Variants in ABHD17B observed in about 807,000 individuals in gnomAD.
ABHD17B encodes abhydrolase domain containing 17B, depalmitoylase.
Under a neutral mutation model 26.2 loss-of-function variants are expected in ABHD17B, and 9 were observed. That is an observed-to-expected ratio of 0.34 (90% confidence interval 0.21 to 0.60). The LOEUF is 0.60. Ranked by LOEUF, ABHD17B falls within the 20% of genes least tolerant of loss-of-function variation. The probability of loss-of-function intolerance (pLI) is 0.80; values close to 1 mark genes in which losing one functional copy is unlikely to be tolerated. For missense variants in ABHD17B, 224 were observed against 352.1 expected (o/e 0.64, Z 2.91); for synonymous variants, 127 against 122.3 (o/e 1.04, Z -0.25).
At chr9:71,873,058 C>T (rs1234941388) in intron 2 of ABHD17B, among the ~76,000 whole-genome samples, 14 of 151,652 alleles carry the variant, frequency 9.2e-5, no homozygotes, top group Admixed American at 9.2e-4. Flanking sequence ...GGAAATTTTT[C>T]CTGACTAAAT....
intron 1 of ABHD17B, among the ~76,000 whole-genome samples, chr9:71,906,949 G>C (rs1386258451): frequency 1.3e-5 from 2 of 152,152 alleles, no homozygotes; most frequent in African/African-American, 2.4e-5. Flanking sequence ...GTAGTCTTGA[G>C]CTCGAGTATT....
intron 1 of ABHD17B, among the ~76,000 whole-genome samples, chr9:71,876,653 C>T (rs970606374): frequency 2.0e-4 from 31 of 151,456 alleles, no homozygotes; most frequent in African/African-American, 6.8e-4. Flanking sequence ...AAAAAAGTAC[C>T]CTATTACACC....
At chr9:71,892,186 G>A (rs1485230649) in intron 1 of ABHD17B, among the ~76,000 whole-genome samples, 2 of 152,084 alleles carry the variant, frequency 1.3e-5, no homozygotes, top group Non-Finnish European at 2.9e-5. Context: ...AAAGAATGAA[G>A]AAATTTATAA....
intron 1 of ABHD17B, among the ~76,000 whole-genome samples, chr9:71,886,769 G>A (rs1826623756): frequency 6.6e-6 from 1 of 151,972 alleles, no homozygotes; most frequent in African/African-American, 2.4e-5. Context: ...GAGATCAAAG[G>A]GCTCAAAATT....
Position 71,866,649 on chromosome 9 carries a change from C to T in ABHD17B, c.*138G>A, listed in dbSNP as rs1413875657. On this transcript the variant is annotated 3_prime_UTR_variant, in exon 4 of 4. Transcript: ENST00000333421. Reference sequence around the variant, plus strand: ...CTGGTAATTAAAACCTTCATTAAGTCTGTTAACAAATCATTACCTGTACAT... The same window carrying T: ...CTGGTAATTAAAACCTTCATTAAGTTTGTTAACAAATCATTACCTGTACAT... The T allele has an allele frequency of 1.7e-5, 25 of 1,452,160 alleles. No individual in the cohort carries two copies. The highest frequency in any genetic ancestry group is 2.3e-5 in the Non-Finnish European group (25 of 1,106,870). The allele number at this position is 1,452,160 out of a possible 1,614,324, so 90.0% of individuals were successfully genotyped here. A position where few individuals can be genotyped will look rare whatever the true frequency, so the allele number is the denominator to read the frequency against.
chr9:71,895,109 G>A (rs1206298314), intron 1 of ABHD17B, among the ~76,000 whole-genome samples: 3 of 152,168 alleles, frequency 2.0e-5, no homozygotes, highest in Admixed American at 6.5e-5. Context: ...AACTTTGCTA[G>A]GTTAGAAAAG....
intron 1 of ABHD17B, among the ~76,000 whole-genome samples, chr9:71,891,108 G>A (rs1826767819): frequency 6.6e-6 from 1 of 152,000 alleles, no homozygotes; most frequent in Non-Finnish European, 1.5e-5. Flanking sequence ...CAGCAAACTA[G>A]GTCTGCTTCA....
In ABHD17B at chr9:71,874,809, T is replaced by C; in HGVS notation, c.272A>G (p.Lys91Arg). 6.2e-7 allele frequency: 1 copy of C among 1,614,236 alleles called. No individual in the cohort carries two copies. Among genetic ancestry groups the C allele is most frequent in the South Asian group, 1.1e-5 (1 of 91,088 alleles). Reference protein sequence around the residue: ...CMFVRCSPNAKYTLLFSHGNA... With the variant: ...CMFVRCSPNARYTLLFSHGNA... ...TCCATGTGAGAAGAGTAAAGTGTAT[T>C]TCGCATTGGGTGAACAACGTACAAA... The change falls in exon 2 of 4, where the codon AAA (lysine) becomes AGA (arginine). Residue 91 changes from lysine (K) to arginine (R), a missense_variant. By Grantham distance (26) the Lys-to-Arg change is conservative. Coordinates refer to ENST00000333421, the MANE Select transcript of ABHD17B (RefSeq NM_001025780.3).
At chr9:71,892,628 A>C (rs1826821213) in intron 1 of ABHD17B, among the ~76,000 whole-genome samples, 1 of 151,304 alleles carries the variant, frequency 6.6e-6, no homozygotes, top group South Asian at 2.1e-4. Context: ...TTATAAACAT[A>C]AATTTACATT....
At chr9:71,905,888 A>C (rs1410211172) in intron 1 of ABHD17B, among the ~76,000 whole-genome samples, 1 of 152,002 alleles carries the variant, frequency 6.6e-6, no homozygotes, top group Non-Finnish European at 1.5e-5. Context: ...CTACAAAAAA[A>C]ATACAAAAAT....
At chr9:71,876,156 A>G (rs953086262) in intron 1 of ABHD17B, among the ~76,000 whole-genome samples, 2 of 152,268 alleles carry the variant, frequency 1.3e-5, no homozygotes, top group African/African-American at 4.8e-5. Context: ...TGTGGAAAAA[A>G]GGTAAAATCT....
chr9:71,897,307 G>A (rs1207629683), intron 1 of ABHD17B, among the ~76,000 whole-genome samples: 1 of 31,496 alleles, frequency 3.2e-5, no homozygotes, highest in African/African-American at 6.3e-5. Flanking sequence ...AAGGTGGAAG[G>A]ATCACTTGAG....
chr9:71,899,725 T>C (rs190289689), intron 1 of ABHD17B, among the ~76,000 whole-genome samples: 9 of 152,266 alleles, frequency 5.9e-5, no homozygotes, highest in Admixed American at 1.3e-4. Flanking sequence ...CTATGAGACA[T>C]AGAGCTTCTC....
intron 1 of ABHD17B, among the ~76,000 whole-genome samples, chr9:71,894,864 A>C (rs1167615768): frequency 6.6e-6 from 1 of 152,232 alleles, no homozygotes; most frequent in African/African-American, 2.4e-5. Context: ...ACAATTAATC[A>C]AATGAACCAT....
intron 1 of ABHD17B, among the ~76,000 whole-genome samples, chr9:71,899,267 G>C (rs1430855868): frequency 6.6e-6 from 1 of 152,238 alleles, no homozygotes; most frequent in Non-Finnish European, 1.5e-5. Context: ...TGTATGCCAA[G>C]TAATGCAACT....
At chr9:71,895,423 T>C (rs1231823021) in intron 1 of ABHD17B, among the ~76,000 whole-genome samples, 1 of 152,238 alleles carries the variant, frequency 6.6e-6, no homozygotes, top group African/African-American at 2.4e-5. Flanking sequence ...GACTATGTCC[T>C]GGCCAAATAG....
rs1261791026 is a variant in ABHD17B, at chr9:71,907,179, C to G, written c.-4+3455G>C. Among the ~76,000 whole-genome samples, 4 of 152,076 alleles carry G rather than the reference C, an allele frequency of 2.6e-5. 1 individual carries two copies. Among genetic ancestry groups the G allele is most frequent in the South Asian group, 4.1e-4 (2 of 4,822 alleles). ...AACAAATGGAAACAACAAAAATGACCATCAACAGAAACCTGACATAGTTAT... is the reference window on the plus strand; with the variant it reads ...AACAAATGGAAACAACAAAAATGACGATCAACAGAAACCTGACATAGTTAT... On this transcript the variant is annotated intron_variant, in intron 1 of 3. Transcript: ENST00000333421.
intron 1 of ABHD17B, among the ~76,000 whole-genome samples, chr9:71,879,529 A>AT: frequency 6.6e-6 from 1 of 152,356 alleles, no homozygotes; most frequent in African/African-American, 2.4e-5. Flanking sequence ...GCACATCTAA[A>AT]GGAGTTACAA....
rs531302515 is a variant in ABHD17B, at chr9:71,902,065, C to A, written c.-4+8569G>T. Among the ~76,000 whole-genome samples, 9 of 152,218 alleles carry A rather than the reference C, an allele frequency of 5.9e-5. No homozygotes were observed. The East Asian group carries it at 1.7e-3, about 29-fold the overall frequency. On this transcript the variant is annotated intron_variant, in intron 1 of 3. Coordinates refer to ENST00000333421, the MANE Select transcript of ABHD17B (RefSeq NM_001025780.3). The stretch of plus-strand genomic sequence containing the variant: ...GAGAGGTTCTTTTCTGCTTCTGTGC[C>A]TTATCACATATAGTTCCTTTTTTGT...
Sources: gnomAD v4.1 joint callset for allele counts (sites outside exome capture counted in the v4.1 genomes callset) on GRCh38, gnomAD v4.1.1 for gene constraint, MANE v1.5 for transcripts, NCBI Gene and HGNC (gene_info 2026-07-23, HGNC 2026-07-21) for gene names.